TMEM132C: variants seen among roughly 807,000 people sequenced by gnomAD.
TMEM132C encodes protein phosphatase 1, regulatory subunit 152.
TMEM132C carries 29 observed loss-of-function variants against 61.4 expected under a neutral mutation model. That is an observed-to-expected ratio of 0.47 (90% CI 0.35 to 0.64). TMEM132C has a LOEUF of 0.64. TMEM132C is among the 30% of genes least tolerant of loss of function. TMEM132C has a pLI of 0.00. For synonymous variants in TMEM132C, 656 were observed against 633.1 expected (o/e 1.04, Z -0.54); for missense variants, 1,408 against 1,476.9 (o/e 0.95, Z 0.76).
chr12:128,649,095 G>A (rs1051679090), intron 4 of TMEM132C, among the ~76,000 whole-genome samples: 3 of 152,212 alleles, frequency 2.0e-5, no homozygotes, highest in African/African-American at 4.8e-5. Flanking sequence ...GAACTCCATC[G>A]TGTCCAGGTG....
intron 4 of TMEM132C, among the ~76,000 whole-genome samples, chr12:128,656,554 TCAA>T (rs1266324514): frequency 2.0e-5 from 3 of 152,260 alleles, no homozygotes; most frequent in African/African-American, 4.8e-5. Flanking sequence ...TTCTCAACCT[TCAA>T]CAACATCAGA....
At chr12:128,297,039 G>T (rs965508414) in intron 1 of TMEM132C, among the ~76,000 whole-genome samples, 3 of 151,854 alleles carry the variant, frequency 2.0e-5, no homozygotes, top group African/African-American at 7.3e-5. Context: ...CTGTAATTCC[G>T]TCAAATGGTC....
chr12:128,435,165 A>G (rs1218012345), intron 2 of TMEM132C, among the ~76,000 whole-genome samples: 7 of 152,210 alleles, frequency 4.6e-5, no homozygotes, highest in Non-Finnish European at 7.3e-5. Flanking sequence ...CAACTTTGCC[A>G]ATACCTTCAT....
Position 128,292,945 on chromosome 12 carries a change from GGTATGTGTATGTGT to G in TMEM132C, c.85+25461_85+25474del, listed in dbSNP as rs1871292403. Among the ~76,000 whole-genome samples, 7 of 137,804 alleles carry G rather than the reference GGTATGTGTATGTGT, an allele frequency of 5.1e-5. No homozygotes were observed. The Admixed American group carries it at 5.3e-4, about 10-fold the overall frequency. The allele number at this position is 137,804 out of a possible 152,430, so 90.4% of individuals were successfully genotyped here. A position where few individuals can be genotyped will look rare whatever the true frequency, so the allele number is the denominator to read the frequency against. On this transcript the variant is annotated intron_variant, in intron 1 of 8. Coordinates refer to ENST00000435159, the MANE Select transcript of TMEM132C (RefSeq NM_001136103.3). ...TCTGTGTTTTCTGTGTGTTGGTGTA[GGTATGTGTATGTGT>G]GTGTGTGTATATGCAAGCACGAGCA...
intron 1 of TMEM132C, among the ~76,000 whole-genome samples, chr12:128,365,585 G>A (rs950409593): frequency 3.9e-5 from 6 of 152,204 alleles, no homozygotes; most frequent in Middle Eastern, 3.4e-3. Flanking sequence ...GAGCCGGAAA[G>A]CATATTATGT....
intron 2 of TMEM132C, among the ~76,000 whole-genome samples, chr12:128,537,402 G>A (rs557235402): frequency 6.6e-6 from 1 of 152,178 alleles, no homozygotes; most frequent in Non-Finnish European, 1.5e-5. Flanking sequence ...ATAAGGAGGT[G>A]TATCCAGCCT....
chr12:128,357,688 G>A (rs7979699), intron 1 of TMEM132C, among the ~76,000 whole-genome samples: 2,563 of 134,292 alleles, frequency 0.019, 76 homozygotes, highest in African/African-American at 0.068. Flanking sequence ...GTGAGACTCC[G>A]TCTCAAAAAA....
chr12:128,301,471 C>A (rs1027697636), intron 1 of TMEM132C, among the ~76,000 whole-genome samples: 1 of 152,144 alleles, frequency 6.6e-6, no homozygotes, highest in Non-Finnish European at 1.5e-5. Context: ...TGCCTGCCTG[C>A]CTAATAGTTT....
At chr12:128,458,870 C>T (rs1442441777) in intron 2 of TMEM132C, among the ~76,000 whole-genome samples, 3 of 152,202 alleles carry the variant, frequency 2.0e-5, no homozygotes, top group African/African-American at 7.2e-5. Flanking sequence ...TTCACTTCCA[C>T]CAACATCTCC....
intron 3 of TMEM132C, among the ~76,000 whole-genome samples, chr12:128,593,093 C>T (rs892886785): frequency 2.0e-5 from 3 of 151,316 alleles, no homozygotes; most frequent in Non-Finnish European, 4.4e-5. Context: ...TCTCTCTTAC[C>T]TCTCTTTCTT....
At position 128,706,015 on chromosome 12, in the gene TMEM132C, G is replaced by T; in HGVS notation, c.3047G>T (p.Gly1016Val). ...AGCAACCATCTCCTGCTCAATGGTG[G>T]CTCCCACAAGCACGTGCAGAGCCAG... The part of the protein sequence containing the change: ...EESNHLLLNG[G>V]SHKHVQSQIH... Residue 1016 changes from glycine (G) to valine (V), a missense_variant, in exon 9 of 9, where the codon GGC (glycine) becomes GTC (valine). Physicochemically the swap from Gly to Val is moderately radical, Grantham distance 109. Transcript: ENST00000435159. 1.3e-6 allele frequency: 2 copies of T among 1,551,686 alleles called. No homozygotes were observed. The highest frequency in any genetic ancestry group is 1.7e-6 in the Non-Finnish European group (2 of 1,146,994).
intron 2 of TMEM132C, among the ~76,000 whole-genome samples, chr12:128,437,341 T>C (rs1242544062): frequency 2.6e-5 from 4 of 152,086 alleles, no homozygotes; most frequent in Non-Finnish European, 4.4e-5. Flanking sequence ...TATAAGGACA[T>C]TAATTGCTTA....
At chr12:128,330,212 G>A (rs1872635032) in intron 1 of TMEM132C, among the ~76,000 whole-genome samples, 1 of 152,088 alleles carries the variant, frequency 6.6e-6, no homozygotes, top group Non-Finnish European at 1.5e-5. Context: ...AACACCCCCA[G>A]CATGTGCACA....
intron 3 of TMEM132C, among the ~76,000 whole-genome samples, chr12:128,545,889 G>T (rs1420752821): frequency 6.6e-6 from 1 of 152,070 alleles, no homozygotes; most frequent in Non-Finnish European, 1.5e-5. Flanking sequence ...TATTCTGCCA[G>T]TGTATTTTTC....
intron 1 of TMEM132C, among the ~76,000 whole-genome samples, chr12:128,347,409 C>CTG (rs1873197530): frequency 7.2e-6 from 1 of 139,604 alleles, no homozygotes; most frequent in African/African-American, 2.6e-5. Context: ...CTCTCTCTCT[C>CTG]TCTCTCTCTC....
At chr12:128,493,597 A>T (rs1370997711) in intron 2 of TMEM132C, among the ~76,000 whole-genome samples, 1 of 152,046 alleles carries the variant, frequency 6.6e-6, no homozygotes, top group African/African-American at 2.4e-5. Context: ...TAGGTATTTT[A>T]TTCTCTTTGA....
chr12:128,515,155 C>A (rs2398415), intron 2 of TMEM132C, among the ~76,000 whole-genome samples: 3 of 152,224 alleles, frequency 2.0e-5, no homozygotes, highest in African/African-American at 7.2e-5. Flanking sequence ...TCATGAATCA[C>A]GTTCTCCCCT....
chr12:128,289,934 G>T (rs1020635289), intron 1 of TMEM132C, among the ~76,000 whole-genome samples: 2 of 152,128 alleles, frequency 1.3e-5, no homozygotes, highest in African/African-American at 4.8e-5. Flanking sequence ...GGCAAACCCT[G>T]TCCTGAGGCC....
chr12:128,607,597 T>C (rs548313095), intron 3 of TMEM132C, among the ~76,000 whole-genome samples: 2 of 152,266 alleles, frequency 1.3e-5, no homozygotes, highest in South Asian at 4.2e-4. Flanking sequence ...GTTCGGGATA[T>C]GTTTTCAAGA....
Sources: allele counts gnomAD v4.1 joint callset (sites outside exome capture counted in the v4.1 genomes callset), GRCh38; gene constraint gnomAD v4.1.1; transcripts MANE v1.5; gene names NCBI Gene and HGNC (gene_info 2026-07-23, HGNC 2026-07-21).